THSD4: variants seen among roughly 807,000 people sequenced by gnomAD.
THSD4 encodes thrombospondin type 1 domain containing 4.
In THSD4, 69 loss-of-function variants were observed where a neutral mutation model predicts 119.0. The ratio of observed to expected loss-of-function variants is 0.58; its 90% CI spans 0.48 to 0.71. The LOEUF (loss-of-function observed/expected upper bound fraction) is 0.71. THSD4 is among the 30% of genes least tolerant of loss of function. The pLI is 0.00. For missense variants in THSD4, 1,393 were observed against 1,391.1 expected (o/e 1.00, Z -0.02); for synonymous variants, 524 against 540.4 (o/e 0.97, Z 0.42).
chr15:71,618,597 A>T (rs1051932953), intron 7 of THSD4, among the ~76,000 whole-genome samples: 1 of 152,184 alleles, frequency 6.6e-6, no homozygotes, highest in South Asian at 2.1e-4. Context: ...ATTAAGAGAC[A>T]GGGTCTCACT....
intron 5 of THSD4, among the ~76,000 whole-genome samples, chr15:71,247,924 T>C (rs1297123042): frequency 6.6e-6 from 1 of 152,114 alleles, no homozygotes; most frequent in African/African-American, 2.4e-5. Context: ...AAATCAAACC[T>C]CAATTCCTCT....
chr15:71,374,716 C>G (rs984710315), intron 6 of THSD4, among the ~76,000 whole-genome samples: 1 of 152,186 alleles, frequency 6.6e-6, no homozygotes, highest in African/African-American at 2.4e-5. Context: ...ATGACCTCAG[C>G]CTAATCACTT....
At chr15:71,174,678 G>T (rs1213711193) in intron 3 of THSD4, among the ~76,000 whole-genome samples, 5 of 136,356 alleles carry the variant, frequency 3.7e-5, no homozygotes, top group Non-Finnish European at 6.4e-5. Context: ...CTCCACCTCT[G>T]GGGGCAGGGC....
chr15:71,346,587 C>G (rs1021789089), intron 6 of THSD4, among the ~76,000 whole-genome samples: 5 of 152,144 alleles, frequency 3.3e-5, no homozygotes, highest in African/African-American at 1.2e-4. Flanking sequence ...TGTATTTTAC[C>G]AGTCCTAGCC....
intron 2 of THSD4, among the ~76,000 whole-genome samples, chr15:71,153,649 C>T (rs1377822276): frequency 6.6e-6 from 1 of 152,168 alleles, no homozygotes; most frequent in Non-Finnish European, 1.5e-5. Flanking sequence ...CAAGACCTAA[C>T]CCCCGGCTTC....
intron 7 of THSD4, among the ~76,000 whole-genome samples, chr15:71,512,863 T>G (rs1397578751): frequency 6.6e-6 from 1 of 152,218 alleles, no homozygotes; most frequent in African/African-American, 2.4e-5. Context: ...TTACAGGGAC[T>G]TGCTTCTTTG....
intron 4 of THSD4, among the ~76,000 whole-genome samples, chr15:71,232,199 T>C (rs562475318): frequency 1.3e-5 from 2 of 152,174 alleles, no homozygotes; most frequent in Non-Finnish European, 2.9e-5. Context: ...CCTAGCTCCC[T>C]TTAATTCCCA....
chr15:71,285,000 G>A (rs1364111644), intron 6 of THSD4, among the ~76,000 whole-genome samples: 3 of 152,050 alleles, frequency 2.0e-5, no homozygotes, highest in African/African-American at 7.2e-5. Flanking sequence ...GCATTGACTC[G>A]TTTCTTTTTT....
intron 7 of THSD4, among the ~76,000 whole-genome samples, chr15:71,660,203 G>A (rs1359447647): frequency 2.6e-5 from 4 of 152,092 alleles, no homozygotes; most frequent in Non-Finnish European, 5.9e-5. Context: ...AAAAATCCCA[G>A]CACAGACCAT....
intron 8 of THSD4, among the ~76,000 whole-genome samples, chr15:71,721,960 GA>G (rs1426284752): frequency 7.0e-6 from 1 of 142,856 alleles, no homozygotes; most frequent in Non-Finnish European, 1.5e-5. Context: ...CTGGGTGACA[GA>G]GTGAGTCCCT....
Position 71,153,224 on chromosome 15 carries a change from G to A in THSD4, c.30-1639G>A, listed in dbSNP as rs116974323. On this transcript the variant is annotated intron_variant, in intron 2 of 17. Transcript: ENST00000261862. ...TTCCTACTTTTCCTTCCCCATAGGG[G>A]AGTGGAGGGGCTGTATGCAGCACTC... Among the ~76,000 whole-genome samples, 542 of 152,266 alleles carry A rather than the reference G, an allele frequency of 3.6e-3. 2 individuals carry two copies. The highest frequency in any genetic ancestry group is 6.0e-3 in the Non-Finnish European group (407 of 68,014).
chr15:71,655,704 C>T (rs1357056713), intron 7 of THSD4, among the ~76,000 whole-genome samples: 4 of 152,156 alleles, frequency 2.6e-5, no homozygotes, highest in Non-Finnish European at 5.9e-5. Flanking sequence ...ATACAGCACT[C>T]GTCAGCAGCA....
At chr15:71,248,704 G>C (rs186521141) in intron 5 of THSD4, among the ~76,000 whole-genome samples, 230 of 151,516 alleles carry the variant, frequency 1.5e-3, no homozygotes, top group Non-Finnish European at 2.7e-3. Context: ...TTCTGCCCCA[G>C]AGTAAGTGCA....
intron 7 of THSD4, among the ~76,000 whole-genome samples, chr15:71,565,648 C>T (rs2049222539): frequency 6.6e-6 from 1 of 152,168 alleles, no homozygotes; most frequent in Non-Finnish European, 1.5e-5. Flanking sequence ...GACCTTATCC[C>T]TCTGATTTCT....
chr15:71,564,766 AT>A, intron 7 of THSD4, among the ~76,000 whole-genome samples: 1 of 27,692 alleles, frequency 3.6e-5, no homozygotes, highest in Non-Finnish European at 1.0e-4. Flanking sequence ...ATATAATACA[AT>A]ATATATTGTA....
intron 6 of THSD4, among the ~76,000 whole-genome samples, chr15:71,312,282 C>T (rs564088974): frequency 1.3e-5 from 2 of 152,074 alleles, no homozygotes; most frequent in East Asian, 1.9e-4. Flanking sequence ...AAGCTGAGAT[C>T]GTACCACTGC....
rs1403171644 is a variant in THSD4, at chr15:71,689,227, G to A, written c.1357+28493G>A. Among the ~76,000 whole-genome samples, 3 of 152,210 alleles carry A rather than the reference G, an allele frequency of 2.0e-5. No homozygotes were observed. The South Asian group carries it at 6.2e-4, about 32-fold the overall frequency. ...ACCAAGGATGGATTTTGAACCTGGT[G>A]TGGCCTCTCTGCTCTGGGAGCCACC... On this transcript the variant is annotated intron_variant, in intron 8 of 17. Coordinates refer to ENST00000261862, the MANE Select transcript of THSD4 (RefSeq NM_024817.3).
At chr15:71,648,470 T>C (rs1290638138) in intron 7 of THSD4, among the ~76,000 whole-genome samples, 1 of 152,212 alleles carries the variant, frequency 6.6e-6, no homozygotes, top group African/African-American at 2.4e-5. Flanking sequence ...AGGCTTTCCA[T>C]AGCTGGTCTC....
chr15:71,459,666 GAACCCTCATATTAA>G (rs1286595191), intron 7 of THSD4, among the ~76,000 whole-genome samples: 1 of 152,098 alleles, frequency 6.6e-6, no homozygotes, highest in African/African-American at 2.4e-5. Flanking sequence ...AAATGACCCA[GAACCCTCATATTAA>G]AATATATACA....
Sources: allele counts gnomAD v4.1 joint callset (sites outside exome capture counted in the v4.1 genomes callset), GRCh38; gene constraint gnomAD v4.1.1; transcripts MANE v1.5; gene names NCBI Gene and HGNC (gene_info 2026-07-23, HGNC 2026-07-21).